Variants in FLI1 observed in about 807,000 individuals in gnomAD.
FLI1 encodes Fli-1 proto-oncogene, ETS transcription factor, also known as Friend leukemia integration 1 transcription factor.
Under a neutral mutation model 53.1 loss-of-function variants are expected in FLI1, and 13 were observed. That is an observed-to-expected ratio of 0.24 (90% CI 0.16 to 0.39). The LOEUF (loss-of-function observed/expected upper bound fraction) is 0.39, where lower values mean the gene tolerates loss of function less well. FLI1 is among the 10% of genes least tolerant of loss of function. FLI1 has a pLI of 1.00. For synonymous variants in FLI1, 244 were observed against 236.7 expected, an observed-to-expected ratio of 1.03 and a Z score of -0.28; for missense variants, 424 against 600.5, an observed-to-expected ratio of 0.71 and a Z score of 3.07.
chr11:128,734,162 G>C (rs1939816794), intron 1 of FLI1, among the ~76,000 whole-genome samples: 1 of 152,226 alleles, frequency 6.6e-6, no homozygotes, highest in Non-Finnish European at 1.5e-5. Flanking sequence ...GGAGAGGGGT[G>C]GTTAAACAGG....
chr11:128,771,541 A>T (rs184353735), intron 3 of FLI1, among the ~76,000 whole-genome samples: 1 of 152,338 alleles, frequency 6.6e-6, no homozygotes, highest in African/African-American at 2.4e-5. Flanking sequence ...TAGTCATTCA[A>T]TCCTGGTTCC....
intron 5 of FLI1, among the ~76,000 whole-genome samples, chr11:128,794,296 AG>A (rs1415004475): frequency 6.6e-6 from 1 of 152,264 alleles, no homozygotes; most frequent in Non-Finnish European, 1.5e-5. Context: ...ATGCTCTGCC[AG>A]GGGCCACCTC....
chr11:128,773,482 TC>T (rs1941637258), intron 4 of FLI1, among the ~76,000 whole-genome samples: 1 of 151,780 alleles, frequency 6.6e-6, no homozygotes, highest in Non-Finnish European at 1.5e-5. Context: ...TCTGCACACT[TC>T]CTTGATAAGG....
chr11:128,758,247 C>G lies in FLI1; in HGVS notation c.151C>G (p.Leu51Val). 2 of 1,613,660 alleles carry G rather than the reference C, an allele frequency of 1.2e-6. No homozygotes were observed. Among genetic ancestry groups the G allele is most frequent in the Non-Finnish European group, 8.5e-7 (1 of 1,179,748 alleles). Residue 51 changes from leucine to valine, a missense_variant, in exon 2 of 9, where the codon CTC becomes GTC. Leu to Val is a conservative substitution (Grantham distance 32). Transcript: ENST00000527786. ...DYGQPHKINP[L>V]PPQQEWINQP... is the part of the protein sequence containing the mutation. Reference sequence around the variant, plus strand: ...CGGGCAGCCCCACAAGATCAACCCCCTCCCACCACAGCAGGAGTGGATCAA... The same window carrying G: ...CGGGCAGCCCCACAAGATCAACCCCGTCCCACCACAGCAGGAGTGGATCAA...
rs796138725 is a variant in FLI1, at chr11:128,802,574, C to T, written c.656-2792C>T. 5.2e-4 allele frequency among the ~76,000 whole-genome samples: 79 copies of T among 152,364 alleles called. 1 individual carries two copies. Among genetic ancestry groups the T allele is most frequent in the African/African-American group, 1.8e-3 (76 of 41,586 alleles). On this transcript the variant is annotated intron_variant, in intron 5 of 8. Transcript: ENST00000527786. Reference sequence around the variant, plus strand: ...GTTCAGGCTGACTGCTGGGTGGCCTCTGTGTTTCTGTCACTTCCTTTTTCA... The same window carrying T: ...GTTCAGGCTGACTGCTGGGTGGCCTTTGTGTTTCTGTCACTTCCTTTTTCA...
chr11:128,707,038 A>G (rs1368396723), intron 1 of FLI1, among the ~76,000 whole-genome samples: 1 of 152,202 alleles, frequency 6.6e-6, no homozygotes, highest in Non-Finnish European at 1.5e-5. Context: ...ACTATGTGGC[A>G]TGAGGAGACT....
intron 5 of FLI1, among the ~76,000 whole-genome samples, chr11:128,782,616 T>A (rs1479316068): frequency 6.6e-6 from 1 of 152,144 alleles, no homozygotes; most frequent in Non-Finnish European, 1.5e-5. Context: ...GAGAATCGCT[T>A]GGACCCAGGA....
chr11:128,774,644 T>C (rs949126902), intron 4 of FLI1, among the ~76,000 whole-genome samples: 1 of 152,148 alleles, frequency 6.6e-6, no homozygotes, highest in Non-Finnish European at 1.5e-5. Context: ...AACAGTAGCA[T>C]AGACAGCATG....
At chr11:128,725,256 A>G (rs1340940901) in intron 1 of FLI1, among the ~76,000 whole-genome samples, 1 of 152,250 alleles carries the variant, frequency 6.6e-6, no homozygotes, top group Non-Finnish European at 1.5e-5. Context: ...TGATTCTTGC[A>G]TAATTCTCAG....
chr11:128,704,734 CTG>C (rs1335640790), intron 1 of FLI1, among the ~76,000 whole-genome samples: 1 of 152,172 alleles, frequency 6.6e-6, no homozygotes, highest in Non-Finnish European at 1.5e-5. Context: ...CAGTTTGAAA[CTG>C]TATCACCCAC....
intron 2 of FLI1, among the ~76,000 whole-genome samples, chr11:128,760,691 C>T (rs927099277): frequency 6.6e-6 from 1 of 151,988 alleles, no homozygotes; most frequent in African/African-American, 2.4e-5. Flanking sequence ...CCACACCTGG[C>T]AAGTTTTTGT....
At chr11:128,805,491 A>C in intron 6 of FLI1, 60 bp downstream of exon 6, 1 of 1,085,912 alleles carries the variant, frequency 9.2e-7, no homozygotes, top group South Asian at 1.4e-5. Flanking sequence ...AGGATTGGAG[A>C]ACAGGATCAT....
intron 1 of FLI1, among the ~76,000 whole-genome samples, chr11:128,726,232 C>G (rs1939469532): frequency 6.6e-6 from 1 of 152,136 alleles, no homozygotes; most frequent in African/African-American, 2.4e-5. Flanking sequence ...GACACCCACC[C>G]ATGCTCCCCT....
chr11:128,776,070 C>T (rs942479899), intron 4 of FLI1, among the ~76,000 whole-genome samples: 7 of 152,214 alleles, frequency 4.6e-5, no homozygotes. Context: ...ACAAAAGGTG[C>T]TTGACTATTT....
chr11:128,729,565 G>A (rs1189292083), intron 1 of FLI1, among the ~76,000 whole-genome samples: 1 of 152,202 alleles, frequency 6.6e-6, no homozygotes, highest in African/African-American at 2.4e-5. Flanking sequence ...GGGGAAACAC[G>A]AGTGCACCAA....
intron 1 of FLI1, among the ~76,000 whole-genome samples, chr11:128,747,051 C>A (rs1940426599): frequency 6.6e-6 from 1 of 152,234 alleles, no homozygotes; most frequent in African/African-American, 2.4e-5. Flanking sequence ...TGGTCCAGAT[C>A]TTCACCCATC....
chr11:128,754,733 C>T (rs151203326), intron 1 of FLI1, among the ~76,000 whole-genome samples: 270 of 152,268 alleles, frequency 1.8e-3, no homozygotes, highest in African/African-American at 5.9e-3. Context: ...AGCCAGGGAG[C>T]GCACAAGGTG....
intron 1 of FLI1, among the ~76,000 whole-genome samples, chr11:128,734,218 T>G (rs772264394): frequency 1.4e-4 from 22 of 152,234 alleles, no homozygotes; most frequent in Non-Finnish European, 2.6e-4. Flanking sequence ...TTTTGCATAT[T>G]AAACAGCCCT....
upstream of FLI1, chr11:128,693,428 T>C (rs991200248): frequency 6.3e-6 from 1 of 159,890 alleles, no homozygotes; most frequent in Non-Finnish European, 1.4e-5. Flanking sequence ...CACTTTTTAA[T>C]GGTTGGTTTG....
Sources: allele counts gnomAD v4.1 joint callset (sites outside exome capture counted in the v4.1 genomes callset), GRCh38; gene constraint gnomAD v4.1.1; transcripts MANE v1.5; gene names NCBI Gene and HGNC (gene_info 2026-07-23, HGNC 2026-07-21).